The following SRPK1 variants were observed in gnomAD, a reference collection of about 807,000 sequenced individuals.
SRPK1 encodes SRSF protein kinase 1.
A neutral mutation model predicts 89.5 loss-of-function variants in SRPK1; 52 were observed. The ratio of observed to expected loss-of-function variants is 0.58; its 90% CI spans 0.46 to 0.73. The LOEUF is 0.73. Among genes scored for constraint, SRPK1 ranks in the 30% least tolerant of loss-of-function variants. The pLI is 0.00. For synonymous variants in SRPK1, 255 were observed against 270.2 expected (o/e 0.94, Z 0.55); for missense variants, 603 against 780.6 (o/e 0.77, Z 2.71).
At chr6:35,877,504 A>G (rs1248042662) in intron 6 of SRPK1, among the ~76,000 whole-genome samples, 4 of 152,218 alleles carry the variant, frequency 2.6e-5, no homozygotes, top group Non-Finnish European at 4.4e-5. Context: ...GTTGTATTCC[A>G]TATGTTCAAA....
At chr6:35,860,126 AGT>A (rs1007323729) in intron 12 of SRPK1, among the ~76,000 whole-genome samples, 35 of 152,190 alleles carry the variant, frequency 2.3e-4, no homozygotes, top group African/African-American at 8.4e-4. Flanking sequence ...GGCCTCCCAA[AGT>A]GCTGGGATTA....
intron 12 of SRPK1, among the ~76,000 whole-genome samples, chr6:35,865,349 A>T (rs1011844914): frequency 2.0e-5 from 3 of 152,142 alleles, no homozygotes; most frequent in South Asian, 2.1e-4. Flanking sequence ...AATTAAAAAA[A>T]ATTTTAAAAC....
intron 2 of SRPK1, chr6:35,905,041 A>AGAGGCT: frequency 2.5e-6 from 1 of 400,990 alleles, no homozygotes. Flanking sequence ...TAGCTACTCC[A>AGAGGCT]GAGGCTGAGG....
chr6:35,898,281 C>T (rs868756500), intron 2 of SRPK1, among the ~76,000 whole-genome samples: 2 of 152,128 alleles, frequency 1.3e-5, no homozygotes, highest in Non-Finnish European at 2.9e-5. Flanking sequence ...TGGAGAAAAG[C>T]AAATACTGTA....
chr6:35,920,863 C>T, intron 1 of SRPK1, 181 bp downstream of exon 1: 1 of 611,628 alleles, frequency 1.6e-6, no homozygotes, highest in Non-Finnish European at 2.6e-6. Flanking sequence ...AGAGGACGCC[C>T]GGACTGAGGG....
rs1190883446 is a variant in SRPK1, at chr6:35,860,146, G to A, written c.1513-2778C>T. ...CCCAAAGTGCTGGGATTACAGGGGC[G>A]AGCCAAGAACGCAGTCATTTTAAAT... On this transcript the variant is annotated intron_variant, in intron 12 of 15. Transcript: ENST00000373825. 4.6e-5 allele frequency among the ~76,000 whole-genome samples: 7 copies of A among 152,258 alleles called. No individual in the cohort carries two copies. In the South Asian group the frequency reaches 1.4e-3, roughly 31 times the overall value.
chr6:35,878,809 G>T (rs1770214738), intron 6 of SRPK1, among the ~76,000 whole-genome samples: 1 of 152,048 alleles, frequency 6.6e-6, no homozygotes, highest in Non-Finnish European at 1.5e-5. Context: ...GGACATTTAC[G>T]GCCAGGCACA....
rs542292962 is a variant in SRPK1, at chr6:35,921,077, G to C, written c.-21C>G. On this transcript the variant is annotated 5_prime_UTR_variant, in exon 1 of 16. Transcript: ENST00000373825. The stretch of plus-strand genomic sequence containing the variant: ...TCCATGGTGAGACCGGTAATCGCCA[G>C]GCGCCTGCGCACTCGAGTGGCGGCG... 2 of 1,515,984 alleles carry C rather than the reference G, an allele frequency of 1.3e-6. No individual in the cohort carries two copies. The highest frequency in any genetic ancestry group is 1.4e-5 in the African/African-American group (1 of 69,508). The allele number at this position is 1,515,984 out of a possible 1,614,324, so 93.9% of individuals were successfully genotyped here.
intron 8 of SRPK1, among the ~76,000 whole-genome samples, chr6:35,872,212 A>G (rs1248279092): frequency 1.3e-5 from 2 of 152,242 alleles, no homozygotes; most frequent in African/African-American, 4.8e-5. Context: ...GTTTAAACCT[A>G]AACTATTAAT....
chr6:35,920,196 G>A (rs1393361211), intron 2 of SRPK1: 3 of 571,038 alleles, frequency 5.3e-6, no homozygotes, highest in African/African-American at 1.9e-5. Context: ...CCTCCTCTGT[G>A]GAGTTGGGGA....
In SRPK1 at chr6:35,871,790, C is replaced by T. The variant is rs140875982; in HGVS notation, c.751+773G>A. 9.9e-4 allele frequency among the ~76,000 whole-genome samples: 151 copies of T among 152,262 alleles called. 1 individual carries two copies. Among genetic ancestry groups the T allele is most frequent in the Non-Finnish European group, 1.7e-3 (117 of 68,018 alleles). ...AGGGTCTCACTTTGTTGCCTATGCT[C>T]GAGTGCAGTGGTACTATCACAACTC... is the stretch of plus-strand genomic sequence containing the variant. On this transcript the variant is annotated intron_variant, in intron 8 of 15. Transcript: ENST00000373825.
At chr6:35,911,934 GGGTAA>G (rs139915920) in intron 2 of SRPK1, among the ~76,000 whole-genome samples, 47,641 of 151,712 alleles carry the variant, frequency 0.31, 7,657 homozygotes, top group South Asian at 0.42. Context: ...AAAAATCTTT[GGGTAA>G]GGGAGGGTCA....
rs968114646 is a variant in SRPK1 at position 35,835,183 on chromosome 6, A to T, written c.*121T>A. The T allele has an allele frequency of 4.2e-6, 4 of 963,400 alleles. No homozygotes were observed. In the Admixed American group the frequency reaches 1.2e-4, roughly 29 times the overall value. 59.7% of individuals were successfully genotyped at this position (963,400 alleles called of 1,614,324 possible). ...CCAAATGAACATGTTGGATTAAAAA[A>T]AAAACAAGATCTAGAAACTCTTGAA... On this transcript the variant is annotated 3_prime_UTR_variant, in exon 16 of 16. Coordinates refer to ENST00000373825, the MANE Select transcript of SRPK1 (RefSeq NM_003137.5).
intron 6 of SRPK1, among the ~76,000 whole-genome samples, chr6:35,885,292 CACACACAGAGAGAGAGAG>C (rs1770381885): frequency 7.4e-6 from 1 of 135,228 alleles, no homozygotes; most frequent in African/African-American, 2.8e-5. Context: ...CACACACACA[CACACACAGAGAGAGAGAG>C]AGAGAGAGAG....
At chr6:35,859,596 C>G (rs1769736633) in intron 12 of SRPK1, among the ~76,000 whole-genome samples, 1 of 152,158 alleles carries the variant, frequency 6.6e-6, no homozygotes, top group Admixed American at 6.5e-5. Context: ...TTAAAAAAAT[C>G]TGTGCATAAG....
At chr6:35,888,642 C>A (rs551293767) in intron 4 of SRPK1, among the ~76,000 whole-genome samples, 173 bp downstream of exon 4, 4 of 152,302 alleles carry the variant, frequency 2.6e-5, no homozygotes, top group Non-Finnish European at 5.9e-5. Context: ...AATACTGATT[C>A]TTCACGAAAG....
At chr6:35,851,020 T>C (rs2151082116) in intron 13 of SRPK1, among the ~76,000 whole-genome samples, 1 of 152,164 alleles carries the variant, frequency 6.6e-6, no homozygotes, top group Admixed American at 6.5e-5. Flanking sequence ...GATTAACACT[T>C]AAGACCACTC....
chr6:35,855,952 C>T (rs1370699364), intron 13 of SRPK1, among the ~76,000 whole-genome samples: 3 of 151,962 alleles, frequency 2.0e-5, no homozygotes, highest in African/African-American at 7.2e-5. Context: ...GTCTTGAACT[C>T]CTGACCTCAA....
chr6:35,854,152 T>A (rs1022787016), intron 13 of SRPK1, among the ~76,000 whole-genome samples: 1 of 152,146 alleles, frequency 6.6e-6, no homozygotes, highest in Non-Finnish European at 1.5e-5. Flanking sequence ...GGTTTCTCCA[T>A]GTTGGCTAGG....
Sources: gnomAD v4.1 joint callset for allele counts (sites outside exome capture counted in the v4.1 genomes callset) on GRCh38, gnomAD v4.1.1 for gene constraint, MANE v1.5 for transcripts, NCBI Gene and HGNC (gene_info 2026-07-23, HGNC 2026-07-21) for gene names.